The following CNNM2 variants were observed in gnomAD, a reference collection of about 807,000 sequenced individuals.
CNNM2 encodes the protein metal transporter CNNM2.
A neutral mutation model predicts 66.9 loss-of-function variants in CNNM2; 12 were observed. The observed-to-expected ratio is 0.18, with a 90% CI of 0.11 to 0.29. CNNM2 has a LOEUF of 0.29. CNNM2 is among the 10% of genes least tolerant of loss of function. The probability of loss-of-function intolerance (pLI) is 1.00; values close to 1 mark genes in which losing one functional copy is unlikely to be tolerated. For synonymous variants in CNNM2, 557 were observed against 501.8 expected (o/e 1.11, Z -1.47); for missense variants, 705 against 1,167.7 (o/e 0.60, Z 5.77).
At chr10:102,966,122 A>G (rs183512493) in intron 1 of CNNM2, among the ~76,000 whole-genome samples, 72 of 152,328 alleles carry the variant, frequency 4.7e-4, no homozygotes, top group African/African-American at 1.4e-3. Flanking sequence ...TCAGTTGTCA[A>G]ATTTGCTTGT....
chr10:103,071,843 A>C lies in CNNM2; in HGVS notation c.2233+4A>C. 6.2e-7 allele frequency: 1 copy of C among 1,613,204 alleles called. No homozygotes were observed. Among genetic ancestry groups the C allele is most frequent in the Non-Finnish European group, 8.5e-7 (1 of 1,179,284 alleles). Reference sequence around the variant, plus strand: ...TTGTTAGCAGCAGGTTCTCCAGGTAATTCTGCATGCTTCCTTTCCGTAATT... The same window carrying C: ...TTGTTAGCAGCAGGTTCTCCAGGTACTTCTGCATGCTTCCTTTCCGTAATT... On this transcript the variant is annotated splice_donor_region_variant and intron_variant, in intron 6 of 7. Transcript: ENST00000369878.
In CNNM2 at chr10:103,087,040, C is replaced by T. The variant is rs11191549; in HGVS notation, c.*9860C>T. 0.31 allele frequency: 46,406 copies of T among 150,726 alleles called. 7,237 individuals are homozygous for T. The highest frequency in any genetic ancestry group is 0.37 in the Middle Eastern group (107 of 288). 9.3% of individuals were successfully genotyped at this position (150,726 alleles called of 1,614,324 possible). A position where few individuals can be genotyped will look rare whatever the true frequency, so the allele number is the denominator to read the frequency against. On this transcript the variant is annotated 3_prime_UTR_variant, in exon 8 of 8. Transcript: ENST00000369878. ...CAGTCTAGCAACCAAGAAGGGGTTG[C>T]CTGGTGTTCTACAATGCCTATAGTG...
At chr10:103,030,066 A>G (rs2064794542) in intron 1 of CNNM2, among the ~76,000 whole-genome samples, 3 of 152,126 alleles carry the variant, frequency 2.0e-5, no homozygotes, top group African/African-American at 7.2e-5. Context: ...AAAGAAGCCA[A>G]GGGGAGGCCA....
chr10:103,089,777 T>C lies in CNNM2; in HGVS notation c.*12597T>C. ...GGTTGGGAGGTTTAATCTCACTAAT[T>C]GACCGTGTCAGCTGGTGCCGCTTGT... is the stretch of plus-strand genomic sequence containing the variant. On this transcript the variant is annotated 3_prime_UTR_variant, in exon 8 of 8. Coordinates refer to ENST00000369878, the MANE Select transcript of CNNM2 (RefSeq NM_017649.5). The C allele has an allele frequency of 6.2e-7, 1 of 1,614,104 alleles. No homozygotes were observed. The highest frequency in any genetic ancestry group is 8.5e-7 in the Non-Finnish European group (1 of 1,180,004).
At chr10:102,922,376 T>C (rs1422193981) in intron 1 of CNNM2, among the ~76,000 whole-genome samples, 2 of 152,214 alleles carry the variant, frequency 1.3e-5, no homozygotes, top group Non-Finnish European at 2.9e-5. Context: ...CTGTCAGTTA[T>C]ATTGGTTCTT....
At chr10:103,036,576 A>T (rs539425583) in intron 1 of CNNM2, among the ~76,000 whole-genome samples, 1 of 152,136 alleles carries the variant, frequency 6.6e-6, no homozygotes, top group Non-Finnish European at 1.5e-5. Flanking sequence ...GCAGACGTTT[A>T]TCAAATCGAG....
At chr10:103,073,441 G>GA (rs1417493911) in intron 6 of CNNM2, among the ~76,000 whole-genome samples, 1 of 152,164 alleles carries the variant, frequency 6.6e-6, no homozygotes, top group East Asian at 1.9e-4. Flanking sequence ...AAAGCGCAGG[G>GA]ATACAGTAAG....
intron 4 of CNNM2, among the ~76,000 whole-genome samples, chr10:103,067,494 C>T (rs1200965314): frequency 3.3e-5 from 5 of 152,248 alleles, no homozygotes; most frequent in African/African-American, 1.2e-4. Flanking sequence ...TCATAAAACA[C>T]TGATGTGTTA....
At chr10:102,939,761 A>G (rs923576079) in intron 1 of CNNM2, among the ~76,000 whole-genome samples, 2 of 152,162 alleles carry the variant, frequency 1.3e-5, no homozygotes, top group Admixed American at 1.3e-4. Flanking sequence ...ACCTGAGGTC[A>G]GGAGTTCAAG....
intron 1 of CNNM2, among the ~76,000 whole-genome samples, chr10:102,944,270 G>A (rs1417119005): frequency 6.6e-6 from 1 of 151,696 alleles, no homozygotes; most frequent in African/African-American, 2.4e-5. Flanking sequence ...ATAAAGATGG[G>A]GTTTCACCAT....
chr10:103,023,888 A>G (rs1590411496), intron 1 of CNNM2, among the ~76,000 whole-genome samples: 1 of 152,360 alleles, frequency 6.6e-6, no homozygotes, highest in Non-Finnish European at 1.5e-5. Flanking sequence ...GAATATACAT[A>G]TATTTTTTAG....
rs1564861003 is a variant in CNNM2 at position 103,049,689 on chromosome 10, T to G, written c.1622-18T>G. On this transcript the variant is annotated intron_variant, in intron 1 of 7. Transcript: ENST00000369878. The stretch of plus-strand genomic sequence containing the variant: ...AAATTCAGAAAGTCACTTCCTAAAC[T>G]TTTTCTTGTCTCTAAAGGTAAATCT... The G allele has an allele frequency of 6.2e-7, 1 of 1,603,646 alleles. No individual in the cohort carries two copies. Among genetic ancestry groups the G allele is most frequent in the Non-Finnish European group, 8.5e-7 (1 of 1,174,650 alleles).
At chr10:102,990,579 C>G (rs945037867) in intron 1 of CNNM2, among the ~76,000 whole-genome samples, 5 of 152,122 alleles carry the variant, frequency 3.3e-5, no homozygotes, top group African/African-American at 4.8e-5. Context: ...TAAGCTATAG[C>G]AATGGCTCTA....
At chr10:102,930,311 C>T (rs1255682149) in intron 1 of CNNM2, among the ~76,000 whole-genome samples, 4 of 152,018 alleles carry the variant, frequency 2.6e-5, no homozygotes, top group Middle Eastern at 6.8e-3. Context: ...TGGAAGGTAA[C>T]GTGGAAAAAA....
chr10:102,966,108 A>T (rs968107434), intron 1 of CNNM2, among the ~76,000 whole-genome samples: 5 of 152,294 alleles, frequency 3.3e-5, no homozygotes, highest in African/African-American at 1.2e-4. Context: ...TGCAGATTTT[A>T]TATTCAGTTG....
chr10:103,010,738 G>A (rs1398624110), intron 1 of CNNM2, among the ~76,000 whole-genome samples: 1 of 151,722 alleles, frequency 6.6e-6, no homozygotes, highest in East Asian at 1.9e-4. Context: ...TCAGCGTCCG[G>A]AGTAGCTGGG....
intron 1 of CNNM2, among the ~76,000 whole-genome samples, chr10:102,999,138 T>G (rs969933810): frequency 6.6e-6 from 1 of 151,368 alleles, no homozygotes; most frequent in Admixed American, 6.6e-5. Context: ...TGGCGCGATC[T>G]TGGCTCACTG....
intron 1 of CNNM2, among the ~76,000 whole-genome samples, chr10:103,030,012 G>A (rs1056040162): frequency 2.0e-5 from 3 of 152,192 alleles, no homozygotes; most frequent in African/African-American, 7.2e-5. Context: ...AGACTTCCAA[G>A]ATGAGATGAT....
chr10:103,014,789 G>T (rs1471138636), intron 1 of CNNM2, among the ~76,000 whole-genome samples: 1 of 151,962 alleles, frequency 6.6e-6, no homozygotes, highest in Admixed American at 6.6e-5. Context: ...AGCTTTGGGA[G>T]GCTGAGGTGG....
Sources: allele counts gnomAD v4.1 joint callset (sites outside exome capture counted in the v4.1 genomes callset), GRCh38; gene constraint gnomAD v4.1.1; transcripts MANE v1.5; gene names NCBI Gene and HGNC (gene_info 2026-07-23, HGNC 2026-07-21).